The following RMRP variants were observed in gnomAD, a reference collection of about 807,000 sequenced individuals.
RMRP encodes RNA component of mitochondrial RNA processing endoribonuclease.
At chr9:35,657,934 A>G (rs991322091) in exon 1 of RMRP, 4 of 700,436 alleles carry the variant, frequency 5.7e-6, no homozygotes, top group Non-Finnish European at 1.0e-5. Context: ...TCTCTGCCCG[A>G]GGTCCGGGGA....
At chr9:35,657,902 T>TA (rs1296683435) in exon 1 of RMRP, 1 of 698,814 alleles carries the variant, frequency 1.4e-6, no homozygotes, top group Non-Finnish European at 2.6e-6. Flanking sequence ...GGGGAATGTC[T>TA]ACGTGCGTAT....
chr9:35,657,764 G>A lies in RMRP; in HGVS notation n.254C>T, dbSNP rs1170858087. On this transcript the variant is annotated non_coding_transcript_exon_variant, in exon 1 of 1. Transcript: ENST00000363046. Reference sequence around the variant, plus strand: ...CGGGAACAAAAAACAGCCGCGCTGAGAATGAGCCCCGTGTGGTTGGTGCGC... The same window carrying A: ...CGGGAACAAAAAACAGCCGCGCTGAAAATGAGCCCCGTGTGGTTGGTGCGC... 7.2e-6 allele frequency: 5 copies of A among 692,024 alleles called. No individual in the cohort carries two copies. Among genetic ancestry groups the A allele is most frequent in the Non-Finnish European group, 1.3e-5 (5 of 378,184 alleles). 42.9% of individuals were successfully genotyped at this position (692,024 alleles called of 1,614,324 possible). A position where few individuals can be genotyped will look rare whatever the true frequency, so the allele number is the denominator to read the frequency against.
In RMRP at chr9:35,657,793, C is replaced by G. The variant is rs1472791197; in HGVS notation, n.225G>C. On this transcript the variant is annotated non_coding_transcript_exon_variant, in exon 1 of 1. Coordinates refer to ENST00000363046, the Ensembl canonical transcript of RMRP. ...GAGCCCCGTGTGGTTGGTGCGCGGA[C>G]ACGCACTGCCTGCGTAACTAGAGGG... The G allele has an allele frequency of 8.6e-6, 6 of 699,312 alleles. No homozygotes were observed. The highest frequency in any genetic ancestry group is 2.7e-5 in the East Asian group (1 of 37,266). The allele number at this position is 699,312 out of a possible 1,614,324, so 43.3% of individuals were successfully genotyped here.
In RMRP at chr9:35,657,974, G is replaced by GT. The variant is rs1183709679; in HGVS notation, n.43_44insA. Reference sequence around the variant, plus strand: ...CCCCTAGGCGGAAAGGGGAGGAACAGAGTCCTCAGTGTGTAGCCTAGGATA... The same window carrying GT: ...CCCCTAGGCGGAAAGGGGAGGAACAGTAGTCCTCAGTGTGTAGCCTAGGATA... On this transcript the variant is annotated non_coding_transcript_exon_variant, in exon 1 of 1. Coordinates refer to ENST00000363046, the Ensembl canonical transcript of RMRP. 1.3e-5 allele frequency: 9 copies of GT among 700,352 alleles called. No individual in the cohort carries two copies. In the Admixed American group the frequency reaches 1.8e-4, roughly 14 times the overall value. The allele number at this position is 700,352 out of a possible 1,614,324, so 43.4% of individuals were successfully genotyped here.
chr9:35,657,978 C>T lies in RMRP; in HGVS notation n.40G>A, dbSNP rs1156413585. ...TAGGCGGAAAGGGGAGGAACAGAGT[C>T]CTCAGTGTGTAGCCTAGGATACAGG... On this transcript the variant is annotated non_coding_transcript_exon_variant, in exon 1 of 1. Coordinates refer to ENST00000363046, the Ensembl canonical transcript of RMRP. 2 of 700,448 alleles carry T rather than the reference C, an allele frequency of 2.9e-6. No homozygotes were observed. The highest frequency in any genetic ancestry group is 2.0e-5 in the Admixed American group (1 of 50,018). 43.4% of individuals were successfully genotyped at this position (700,448 alleles called of 1,614,324 possible). A position where few individuals can be genotyped will look rare whatever the true frequency, so the allele number is the denominator to read the frequency against.
upstream of RMRP, chr9:35,658,017 C>CCACGTCCTCAGCTT (rs1554651373): frequency 7.2e-6 from 5 of 690,390 alleles, no homozygotes; most frequent in South Asian, 6.0e-5. Context: ...TCAGCACGAA[C>CCACGTCCTCAGCTT]CACGTCCTCA....
At chr9:35,657,836 C>CA (rs1563906809) in exon 1 of RMRP, 1 of 693,330 alleles carries the variant, frequency 1.4e-6, no homozygotes, top group Admixed American at 2.0e-5. Flanking sequence ...GGATGACGCC[C>CA]CCGCGCCACG....
rs1263924354 is a variant in RMRP, at chr9:35,657,789, C to T, written n.229G>A. ...GAATGAGCCCCGTGTGGTTGGTGCG[C>T]GGACACGCACTGCCTGCGTAACTAG... On this transcript the variant is annotated non_coding_transcript_exon_variant, in exon 1 of 1. Transcript: ENST00000363046. The T allele has an allele frequency of 5.7e-6, 4 of 697,742 alleles. No individual in the cohort carries two copies. Among genetic ancestry groups the T allele is most frequent in the East Asian group, 2.7e-5 (1 of 37,234 alleles). 43.2% of individuals were successfully genotyped at this position (697,742 alleles called of 1,614,324 possible).
chr9:35,657,890 GC>G, exon 1 of RMRP: 1 of 700,476 alleles, frequency 1.4e-6, no homozygotes, highest in Non-Finnish European at 2.6e-6. Flanking sequence ...GGAGTGGGAA[GC>G]GGGGAATGTC....
At chr9:35,657,944 A>T in exon 1 of RMRP, 1 of 700,436 alleles carries the variant, frequency 1.4e-6, no homozygotes, top group Non-Finnish European at 2.6e-6. Flanking sequence ...AGGTCCGGGG[A>T]CTTTCCCCTA....
exon 1 of RMRP, chr9:35,657,775 G>GTGTGGTTGGTGCGCGGACACGCAC: frequency 1.4e-6 from 1 of 696,612 alleles, no homozygotes; most frequent in Non-Finnish European, 2.6e-6. Flanking sequence ...AATGAGCCCC[G>GTGTGGTTGGTGCGCGGACACGCAC]TGTGGTTGGT....
At chr9:35,658,019 A>ACGTCCTCAGCTTC (rs1554651400), upstream of RMRP, 2 of 690,034 alleles carry the variant, frequency 2.9e-6, no homozygotes, top group Non-Finnish European at 5.3e-6. Context: ...AGCACGAACC[A>ACGTCCTCAGCTTC]CGTCCTCAGC....
chr9:35,657,818 G>C (rs1245933575), exon 1 of RMRP: 1 of 692,826 alleles, frequency 1.4e-6, no homozygotes, highest in South Asian at 1.5e-5. Context: ...TAACTAGAGG[G>C]AGCTGACGGA....
Position 35,657,957 on chromosome 9 carries a change from C to G in RMRP, n.61G>C, listed in dbSNP as rs544069410. ...CGAGGTCCGGGGACTTTCCCCTAGG[C>G]GGAAAGGGGAGGAACAGAGTCCTCA... On this transcript the variant is annotated non_coding_transcript_exon_variant, in exon 1 of 1. Coordinates refer to ENST00000363046, the Ensembl canonical transcript of RMRP. 8.6e-6 allele frequency: 6 copies of G among 700,260 alleles called. No individual in the cohort carries two copies. The highest frequency in any genetic ancestry group is 1.6e-5 in the Non-Finnish European group (6 of 384,816). The allele number at this position is 700,260 out of a possible 1,614,324, so 43.4% of individuals were successfully genotyped here. A position where few individuals can be genotyped will look rare whatever the true frequency, so the allele number is the denominator to read the frequency against.
exon 1 of RMRP, chr9:35,657,761 T>G (rs1177828515): frequency 1.5e-6 from 1 of 688,222 alleles, no homozygotes; most frequent in Non-Finnish European, 2.7e-6. Context: ...ACAGCCGCGC[T>G]GAGAATGAGC....
rs578123788 is a variant in RMRP, at chr9:35,657,755, C to T, written n.263G>A. 6 of 684,520 alleles carry T rather than the reference C, an allele frequency of 8.8e-6. No individual in the cohort carries two copies. Among genetic ancestry groups the T allele is most frequent in the Admixed American group, 2.0e-5 (1 of 49,230 alleles). 42.4% of individuals were successfully genotyped at this position (684,520 alleles called of 1,614,324 possible). A position where few individuals can be genotyped will look rare whatever the true frequency, so the allele number is the denominator to read the frequency against. ...CCGTGGTCTCGGGAACAAAAAACAG[C>T]CGCGCTGAGAATGAGCCCCGTGTGG... On this transcript the variant is annotated non_coding_transcript_exon_variant, in exon 1 of 1. Coordinates refer to ENST00000363046, the Ensembl canonical transcript of RMRP.
chr9:35,657,752 C>T (rs535022008), downstream of RMRP: 10 of 683,800 alleles, frequency 1.5e-5, no homozygotes, highest in East Asian at 5.4e-5. Flanking sequence ...GAACAAAAAA[C>T]AGCCGCGCTG....
At chr9:35,658,014 G>GAACCACGTCCTCAGCTTCACA in exon 1 of RMRP, 1 of 691,348 alleles carries the variant, frequency 1.4e-6, no homozygotes, top group Non-Finnish European at 2.6e-6. Flanking sequence ...CCTTCAGCAC[G>GAACCACGTCCTCAGCTTCACA]AACCACGTCC....
exon 1 of RMRP, chr9:35,657,985 G>T (rs758862328): frequency 1.4e-6 from 1 of 700,410 alleles, no homozygotes; most frequent in African/African-American, 1.7e-5. Context: ...AGTCCTCAGT[G>T]TGTAGCCTAG....
Sources: allele counts gnomAD v4.1 joint callset, GRCh38; gene constraint gnomAD v4.1.1; transcripts MANE v1.5; gene names NCBI Gene and HGNC (gene_info 2026-07-23, HGNC 2026-07-21).